PDE1A: variants seen among roughly 807,000 people sequenced by gnomAD.
PDE1A encodes dual specificity calcium/calmodulin-dependent 3',5'-cyclic nucleotide phosphodiesterase 1A.
In PDE1A, 35 loss-of-function variants were observed where a neutral mutation model predicts 61.7. The ratio of observed to expected loss-of-function variants is 0.57; its 90% CI spans 0.43 to 0.75. PDE1A has a LOEUF of 0.75. Ranked by LOEUF, PDE1A falls within the 30% of genes least tolerant of loss-of-function variation. The pLI is 0.00. For synonymous variants in PDE1A, 232 were observed against 213.2 expected, an observed-to-expected ratio of 1.09 and a Z score of -0.77; for missense variants, 597 against 630.6, an observed-to-expected ratio of 0.95 and a Z score of 0.57.
chr2:182,198,328 AT>A (rs1371429934), intron 10 of PDE1A, among the ~76,000 whole-genome samples: 5 of 151,810 alleles, frequency 3.3e-5, no homozygotes, highest in African/African-American at 4.8e-5. Flanking sequence ...TAACAGTTTT[AT>A]TTATTTTTAT....
chr2:182,274,302 C>G (rs1039980052), intron 1 of PDE1A, among the ~76,000 whole-genome samples: 1 of 152,062 alleles, frequency 6.6e-6, no homozygotes, highest in Non-Finnish European at 1.5e-5. Flanking sequence ...CAAAAATGCA[C>G]TAGCAGAGAA....
chr2:182,253,485 C>A (rs1345530001), intron 2 of PDE1A, among the ~76,000 whole-genome samples: 1 of 152,126 alleles, frequency 6.6e-6, no homozygotes, highest in Non-Finnish European at 1.5e-5. Flanking sequence ...TGTAGATACA[C>A]CACCCAGAAG....
At chr2:182,521,681 C>G (rs1690577657) in intron 2 of PDE1A, among the ~76,000 whole-genome samples, 1 of 152,164 alleles carries the variant, frequency 6.6e-6, no homozygotes, top group East Asian at 1.9e-4. Context: ...CTATTATGTA[C>G]TATGGACTAT....
intron 2 of PDE1A, among the ~76,000 whole-genome samples, chr2:182,434,573 T>A (rs1308878267): frequency 1.3e-5 from 2 of 152,120 alleles, no homozygotes; most frequent in East Asian, 3.9e-4. Flanking sequence ...CTTAATCCCC[T>A]TAAGAGGGGA....
chr2:182,379,830 T>C (rs1050283007), intron 1 of PDE1A, among the ~76,000 whole-genome samples: 4 of 152,200 alleles, frequency 2.6e-5, no homozygotes, highest in Admixed American at 6.5e-5. Context: ...TCTATTGTTC[T>C]ATTCCATCCT....
chr2:182,395,962 A>G (rs545017136), intron 1 of PDE1A, among the ~76,000 whole-genome samples: 3 of 152,312 alleles, frequency 2.0e-5, no homozygotes, highest in Non-Finnish European at 4.4e-5. Context: ...TTTCTTACCC[A>G]TCTAGCCATA....
chr2:182,425,928 G>C (rs965325796), intron 1 of PDE1A, among the ~76,000 whole-genome samples: 5 of 152,104 alleles, frequency 3.3e-5, no homozygotes, highest in African/African-American at 1.2e-4. Flanking sequence ...AAAGAATCCA[G>C]AATTAAAGAG....
At chr2:182,493,983 A>C (rs1159145906) in intron 2 of PDE1A, among the ~76,000 whole-genome samples, 1 of 152,226 alleles carries the variant, frequency 6.6e-6, no homozygotes, top group African/African-American at 2.4e-5. Context: ...TGTTTGAAGA[A>C]ATTCCAGATC....
intron 11 of PDE1A, among the ~76,000 whole-genome samples, chr2:182,187,737 CTTTTT>C (rs1038970569): frequency 3.0e-5 from 2 of 66,378 alleles, no homozygotes; most frequent in Admixed American, 4.6e-4. Flanking sequence ...TTTTTTTGTT[CTTTTT>C]TTTTTTTTTT....
At chr2:182,619,515 G>A in the PDE1A span, among the ~76,000 whole-genome samples, 20,269 of 151,976 alleles carry the variant, frequency 0.13, 1,536 homozygotes, top group Middle Eastern at 0.23. Context: ...AGCCACTCAC[G>A]GAGTGAGTGC....
At chr2:182,381,004 C>T (rs943793283) in intron 1 of PDE1A, among the ~76,000 whole-genome samples, 2 of 152,100 alleles carry the variant, frequency 1.3e-5, no homozygotes, top group Non-Finnish European at 2.9e-5. Context: ...CTAGCCATGG[C>T]AGATGTGATG....
the PDE1A span, among the ~76,000 whole-genome samples, chr2:182,628,053 T>TGCAC: frequency 1.2e-5 from 1 of 80,878 alleles, no homozygotes; most frequent in Non-Finnish European, 2.5e-5. Flanking sequence ...AGTGTATGTG[T>TGCAC]GCACACACAC....
At chr2:182,184,205 G>C (rs753340119) in intron 13 of PDE1A, among the ~76,000 whole-genome samples, 2 of 151,412 alleles carry the variant, frequency 1.3e-5, no homozygotes, top group Non-Finnish European at 2.9e-5. Flanking sequence ...TTCTAAATTT[G>C]AAGCAAATTA....
At chr2:182,141,435 CATTT>C (rs1008716065) in exon 15 of PDE1A, 26 of 152,168 alleles carry the variant, frequency 1.7e-4, no homozygotes, top group African/African-American at 6.3e-4. Flanking sequence ...TTACTCCTTA[CATTT>C]AAAAGATCAA....
chr2:182,426,470 C>T, intron 1 of PDE1A, 108 bp downstream of exon 1: 1 of 799,938 alleles, frequency 1.3e-6, no homozygotes. Context: ...TTTAAGCACT[C>T]TTGATTGCTC....
At chr2:182,522,633 C>T (rs28364747) in intron 1 of PDE1A, 8 of 1,243,326 alleles carry the variant, frequency 6.4e-6, no homozygotes, top group East Asian at 3.4e-5. Context: ...AAGAACAATC[C>T]GTACATGTGA....
intron 1 of PDE1A, among the ~76,000 whole-genome samples, chr2:182,390,262 T>C (rs1309159478): frequency 2.0e-5 from 3 of 152,198 alleles, no homozygotes. Flanking sequence ...TTTCTGGAGT[T>C]GGCTTCTTAA....
At chr2:182,241,684 T>G in intron 2 of PDE1A, 3 of 581,840 alleles carry the variant, frequency 5.2e-6, no homozygotes, top group East Asian at 6.3e-5. Context: ...TAAGCATGAA[T>G]GTATTTATGA....
the PDE1A span, among the ~76,000 whole-genome samples, chr2:182,695,718 A>G: frequency 1.3e-5 from 2 of 151,886 alleles, no homozygotes; most frequent in Non-Finnish European, 2.9e-5. Context: ...AAAAAAGAAA[A>G]GATAAGCCAC....
Sources: gnomAD v4.1 joint callset for allele counts (sites outside exome capture counted in the v4.1 genomes callset) on GRCh38, gnomAD v4.1.1 for gene constraint, MANE v1.5 for transcripts, NCBI Gene and HGNC (gene_info 2026-07-23, HGNC 2026-07-21) for gene names.